FLT1: variants seen among roughly 807,000 people sequenced by gnomAD.
The protein encoded by FLT1 is fms related receptor tyrosine kinase 1.
A neutral mutation model predicts 156.3 loss-of-function variants in FLT1; 49 were observed. That is an observed-to-expected ratio of 0.31 (90% confidence interval 0.25 to 0.40). The LOEUF is 0.40. Ranked by LOEUF, FLT1 falls within the 10% of genes least tolerant of loss-of-function variation. The pLI is 1.00. For missense variants in FLT1, 1,322 were observed against 1,637.2 expected (o/e 0.81, Z 3.32); for synonymous variants, 594 against 583.8 (o/e 1.02, Z -0.25).
In FLT1 at chr13:28,303,189, A is replaced by T. The variant is rs1870584452; in HGVS notation, c.3995T>A (p.Leu1332Gln). 1 of 1,611,402 alleles carries T rather than the reference A, an allele frequency of 6.2e-7. No individual in the cohort carries two copies. Among genetic ancestry groups the T allele is most frequent in the African/African-American group, 1.3e-5 (1 of 74,804 alleles). Residue 1332 changes from leucine (L) to glutamine (Q), a missense_variant, in exon 30 of 30, where the codon CTG (leucine) becomes CAG (glutamine). Leu to Gln is a moderately radical substitution (Grantham distance 113). Coordinates refer to ENST00000282397, the MANE Select transcript of FLT1 (RefSeq NM_002019.4). ...ACTCTAGATGGGTGGGGTGGAGTACAGGACCACCGAGTTGTAGTCTGGGGG... is the reference window on the plus strand; with the variant it reads ...ACTCTAGATGGGTGGGGTGGAGTACTGGACCACCGAGTTGTAGTCTGGGGG... ...SPPPDYNSVVLYSTPPI is the reference protein window; with the variant it reads ...SPPPDYNSVVQYSTPPI
Position 28,493,383 on chromosome 13 carries a change from C to T in FLT1, c.64+1397G>A, listed in dbSNP as rs563774731. ...AGTGAGTTCTCAGAAGTTACCACTT[C>T]GCCCTGTCTCCGGGTTTAGTAGTTT... On this transcript the variant is annotated intron_variant, in intron 1 of 29. Coordinates refer to ENST00000282397, the MANE Select transcript of FLT1 (RefSeq NM_002019.4). Among the ~76,000 whole-genome samples the T allele has an allele frequency of 4.0e-3, 609 of 152,296 alleles. 1 individual carries two copies. The highest frequency in any genetic ancestry group is 6.8e-3 in the Middle Eastern group (2 of 294).
intron 15 of FLT1, among the ~76,000 whole-genome samples, chr13:28,347,506 G>A (rs779868925): frequency 3.6e-4 from 54 of 152,040 alleles, no homozygotes; most frequent in Middle Eastern, 3.4e-3. Flanking sequence ...GGGTGACAGA[G>A]TGAGACTCCA....
At chr13:28,428,413 T>C (rs1273720966) in intron 8 of FLT1, among the ~76,000 whole-genome samples, 1 of 151,192 alleles carries the variant, frequency 6.6e-6, no homozygotes, top group African/African-American at 2.4e-5. Flanking sequence ...GTCCCTTTCA[T>C]AAACTAGAGT....
At chr13:28,360,950 A>G (rs1593708271) in intron 14 of FLT1, among the ~76,000 whole-genome samples, 1 of 152,292 alleles carries the variant, frequency 6.6e-6, no homozygotes, top group Non-Finnish European at 1.5e-5. Flanking sequence ...ACTGTACCCC[A>G]TGCATATATA....
At chr13:28,361,580 T>G (rs1443078822) in intron 14 of FLT1, among the ~76,000 whole-genome samples, 2 of 152,164 alleles carry the variant, frequency 1.3e-5, no homozygotes, top group Non-Finnish European at 2.9e-5. Context: ...GAATTAAGTA[T>G]GAACAAAAGA....
intron 1 of FLT1, among the ~76,000 whole-genome samples, chr13:28,469,520 C>T (rs948695432): frequency 6.6e-6 from 1 of 152,164 alleles, no homozygotes; most frequent in African/African-American, 2.4e-5. Context: ...AACTGGAAAG[C>T]CTACGAGCCA....
chr13:28,302,723 G>T lies in FLT1; in HGVS notation c.*444C>A. The T allele has an allele frequency of 4.1e-6, 1 of 242,476 alleles. No homozygotes were observed. Among genetic ancestry groups the T allele is most frequent in the Non-Finnish European group, 8.1e-6 (1 of 123,928 alleles). 15.0% of individuals were successfully genotyped at this position (242,476 alleles called of 1,614,324 possible). A position where few individuals can be genotyped will look rare whatever the true frequency, so the allele number is the denominator to read the frequency against. ...CCTCACATGTCTTAGGCCTGCTAGA[G>T]GACTCCCGAGATGTTGCTCAGGCCA... is the stretch of plus-strand genomic sequence containing the variant. On this transcript the variant is annotated 3_prime_UTR_variant, in exon 30 of 30. Coordinates refer to ENST00000282397, the MANE Select transcript of FLT1 (RefSeq NM_002019.4).
At chr13:28,336,132 C>A (rs1872107610) in intron 17 of FLT1, among the ~76,000 whole-genome samples, 1 of 152,222 alleles carries the variant, frequency 6.6e-6, no homozygotes, top group African/African-American at 2.4e-5. Context: ...TTTGCACTTT[C>A]CATAGTTTCA....
In FLT1 at chr13:28,451,204, C is replaced by A. The variant is rs376025715; in HGVS notation, c.389-12859G>T. ...TTGGGAGGCCGAGGTGGGAGGACTGCCTGAGCTCAGGAGTTCGAGACCAGC... is the reference window on the plus strand; with the variant it reads ...TTGGGAGGCCGAGGTGGGAGGACTGACTGAGCTCAGGAGTTCGAGACCAGC... On this transcript the variant is annotated intron_variant, in intron 3 of 29. Coordinates refer to ENST00000282397, the MANE Select transcript of FLT1 (RefSeq NM_002019.4). 5.0e-4 allele frequency among the ~76,000 whole-genome samples: 76 copies of A among 152,286 alleles called. 1 individual carries two copies. Among genetic ancestry groups the A allele is most frequent in the African/African-American group, 1.7e-3 (71 of 41,564 alleles).
chr13:28,314,158 A>C (rs1361370662), intron 25 of FLT1, among the ~76,000 whole-genome samples: 1 of 152,194 alleles, frequency 6.6e-6, no homozygotes, highest in East Asian at 1.9e-4. Context: ...AGAGGCCTTC[A>C]GGCAGAGGCT....
At chr13:28,488,571 G>A (rs1257178318) in intron 1 of FLT1, among the ~76,000 whole-genome samples, 4 of 152,162 alleles carry the variant, frequency 2.6e-5, no homozygotes, top group African/African-American at 4.8e-5. Flanking sequence ...GCTGGACCTC[G>A]GAGCACACAG....
chr13:28,368,542 T>C, intron 14 of FLT1: 1 of 1,304,126 alleles, frequency 7.7e-7, no homozygotes, highest in Non-Finnish European at 1.0e-6. Flanking sequence ...ATGGTAGCTA[T>C]GATGATGATG....
At chr13:28,310,142 G>A (rs1038087818) in intron 27 of FLT1, among the ~76,000 whole-genome samples, 7 of 152,004 alleles carry the variant, frequency 4.6e-5, no homozygotes, top group South Asian at 2.1e-4. Context: ...CACCCATCTC[G>A]GCCTCCCAGA....
At chr13:28,415,468 CA>C (rs1405261884) in intron 10 of FLT1, among the ~76,000 whole-genome samples, 1 of 152,000 alleles carries the variant, frequency 6.6e-6, no homozygotes, top group Non-Finnish European at 1.5e-5. Context: ...GCAACAACAG[CA>C]AAACTCCATC....
chr13:28,368,908 T>C (rs960497168), intron 14 of FLT1, among the ~76,000 whole-genome samples: 7 of 151,914 alleles, frequency 4.6e-5, no homozygotes, highest in African/African-American at 1.5e-4. Flanking sequence ...TTTCACCACG[T>C]TGGCCAGGCT....
chr13:28,339,234 C>T lies in FLT1; in HGVS notation c.2422G>A (p.Glu808Lys), dbSNP rs2138851675. The change falls in exon 17 of 30, where the codon GAG becomes AAG. Residue 808 changes from glutamate to lysine, a missense_variant. Glu to Lys is a moderately conservative substitution (Grantham distance 56). Transcript: ENST00000282397. ...IMDPDEVPLD[E>K]QCERLPYDAS... ...TCATAAGGGAGCCGCTCACACTGCT[C>T]ATCCAAAGGAACTTCATCTGGGTCC... 1.2e-6 allele frequency: 2 copies of T among 1,614,144 alleles called. No individual in the cohort carries two copies. Among genetic ancestry groups the T allele is most frequent in the South Asian group, 1.1e-5 (1 of 91,074 alleles).
chr13:28,452,547 C>T (rs546918278), intron 3 of FLT1, among the ~76,000 whole-genome samples: 1 of 152,292 alleles, frequency 6.6e-6, no homozygotes, highest in South Asian at 2.1e-4. Context: ...GGGGACTAAT[C>T]ACTCCCAAGA....
At position 28,404,977 on chromosome 13, in the gene FLT1, G is replaced by A. The variant is rs376290136; in HGVS notation, c.1551+803C>T. On this transcript the variant is annotated intron_variant, in intron 11 of 29. Coordinates refer to ENST00000282397, the MANE Select transcript of FLT1 (RefSeq NM_002019.4). ...AGAGGTTGCAGTGAGCCGAGATCACGCCATCGCACTCCAGCCTGGGTGACA... is the reference window on the plus strand; with the variant it reads ...AGAGGTTGCAGTGAGCCGAGATCACACCATCGCACTCCAGCCTGGGTGACA... Among the ~76,000 whole-genome samples the A allele has an allele frequency of 8.8e-5, 13 of 147,514 alleles. 1 individual carries two copies. The highest frequency in any genetic ancestry group is 3.0e-4 in the African/African-American group (12 of 39,730).
rs192966146 is a variant in FLT1, at chr13:28,370,126, G to A, written c.2117-12441C>T. ...GTGGGAGAGTTGGGAGGAGGCTGCA[G>A]TGAGCCATGGTGACGCCACTGCCTT... On this transcript the variant is annotated intron_variant, in intron 14 of 29. Transcript: ENST00000282397. Among the ~76,000 whole-genome samples the A allele has an allele frequency of 5.4e-3, 824 of 152,168 alleles. 4 individuals carry two copies. Among genetic ancestry groups the A allele is most frequent in the Middle Eastern group, 0.038 (11 of 292 alleles).
Sources: allele counts gnomAD v4.1 joint callset (sites outside exome capture counted in the v4.1 genomes callset), GRCh38; gene constraint gnomAD v4.1.1; transcripts MANE v1.5; gene names NCBI Gene and HGNC (gene_info 2026-07-23, HGNC 2026-07-21).